Variants in LATS2 observed in about 807,000 individuals in gnomAD.
LATS2 encodes large tumor suppressor kinase 2.
LATS2 carries 24 observed loss-of-function variants against 76.0 expected under a neutral mutation model. The observed-to-expected ratio is 0.32, with a 90% CI of 0.23 to 0.44. The LOEUF (loss-of-function observed/expected upper bound fraction) is 0.44. LATS2 is among the 20% of genes least tolerant of loss of function. LATS2 has a pLI of 1.00. For missense variants in LATS2, 1,286 were observed against 1,481.2 expected (o/e 0.87, Z 2.16); for synonymous variants, 692 against 635.4 (o/e 1.09, Z -1.34).
intron 1 of LATS2, among the ~76,000 whole-genome samples, chr13:21,054,370 T>C (rs907924209): frequency 2.0e-5 from 3 of 152,056 alleles, no homozygotes; most frequent in Non-Finnish European, 2.9e-5. Flanking sequence ...GTCATTCCAC[T>C]GCACTCCAGC....
intron 2 of LATS2, among the ~76,000 whole-genome samples, chr13:21,025,263 G>A (rs1365050073): frequency 6.6e-6 from 1 of 151,376 alleles, no homozygotes; most frequent in Admixed American, 6.6e-5. Flanking sequence ...ATGGTGGCAA[G>A]CACCTATAAT....
At chr13:21,050,547 G>A (rs1873239780) in intron 1 of LATS2, among the ~76,000 whole-genome samples, 1 of 152,234 alleles carries the variant, frequency 6.6e-6, no homozygotes, top group South Asian at 2.1e-4. Flanking sequence ...GCAGAAGCCT[G>A]TCAGTTGTCA....
intron 5 of LATS2, 122 bp from the exon 6 acceptor site, chr13:20,981,770 A>G: frequency 2.5e-6 from 2 of 801,594 alleles, no homozygotes; most frequent in Non-Finnish European, 3.8e-6. Flanking sequence ...AGCTCCTGAC[A>G]TATCAGGACA....
intron 2 of LATS2, among the ~76,000 whole-genome samples, chr13:21,031,872 C>T (rs1223195306): frequency 1.3e-5 from 2 of 152,130 alleles, no homozygotes; most frequent in Non-Finnish European, 2.9e-5. Flanking sequence ...AATTTTCTGT[C>T]TGTGCATCAC....
intron 2 of LATS2, among the ~76,000 whole-genome samples, chr13:21,010,996 C>G (rs562198592): frequency 7.2e-5 from 11 of 152,362 alleles, no homozygotes; most frequent in African/African-American, 2.2e-4. Flanking sequence ...CTGCAGCTCC[C>G]TGGTTTGCAA....
At chr13:21,007,540 A>ATAGTGTG (rs1871307818) in intron 2 of LATS2, among the ~76,000 whole-genome samples, 1 of 17,404 alleles carries the variant, frequency 5.7e-5, no homozygotes, top group African/African-American at 3.2e-4. Context: ...GGATATATAT[A>ATAGTGTG]TATAGTATAT....
intron 2 of LATS2, among the ~76,000 whole-genome samples, chr13:21,037,333 G>C (rs1038429908): frequency 1.3e-5 from 2 of 152,174 alleles, no homozygotes; most frequent in Admixed American, 6.5e-5. Flanking sequence ...GAACCCCAGA[G>C]GGGGAGGTTG....
chr13:20,989,975 C>G (rs1043334720), intron 3 of LATS2, among the ~76,000 whole-genome samples: 13 of 152,220 alleles, frequency 8.5e-5, no homozygotes, highest in African/African-American at 3.1e-4. Context: ...GAAGGAAGGA[C>G]AAAGGTTCCT....
At chr13:21,018,746 T>C (rs1045329391) in intron 2 of LATS2, among the ~76,000 whole-genome samples, 1 of 151,868 alleles carries the variant, frequency 6.6e-6, no homozygotes, top group African/African-American at 2.4e-5. Context: ...CTCCACCTCC[T>C]GGGTTCAAGT....
Position 20,988,501 on chromosome 13 carries a change from G to C in LATS2, c.1279C>G (p.Pro427Ala), listed in dbSNP as rs541484742. ...GPPGKAEPSL[P>A]APNTVTAVTA... ...ACAGCCGTCACGGTGTTGGGGGCGG[G>C]CAGGGAGGGCTCGGCCTTGCCAGGC... is the stretch of plus-strand genomic sequence containing the variant. The change falls in exon 4 of 8, where the codon CCC becomes GCC. Residue 427 changes from proline (P) to alanine (A), a missense_variant. This residue lies in a region of LATS2 where 710 missense variants were observed against 660.9 expected (regional missense o/e 1.07). Coordinates refer to ENST00000382592, the MANE Select transcript of LATS2 (RefSeq NM_014572.3). 1 of 1,553,714 alleles carries C rather than the reference G, an allele frequency of 6.4e-7. No homozygotes were observed. The highest frequency in any genetic ancestry group is 8.6e-7 in the Non-Finnish European group (1 of 1,157,636).
chr13:20,976,837 T>C (rs1256310740), intron 7 of LATS2, among the ~76,000 whole-genome samples: 1 of 152,134 alleles, frequency 6.6e-6, no homozygotes. Flanking sequence ...CAGTCACTGT[T>C]GGTGGGAATG....
In LATS2 at chr13:21,057,264, G is replaced by A. The variant is rs1314035035; in HGVS notation, c.-205+4082C>T. ...AATACAAACCATGGCTACAAAATATGGGATTTTTTCATTTTTCTCCCAGAA... is the reference window on the plus strand; with the variant it reads ...AATACAAACCATGGCTACAAAATATAGGATTTTTTCATTTTTCTCCCAGAA... On this transcript the variant is annotated intron_variant, in intron 1 of 7. Transcript: ENST00000382592. Among the ~76,000 whole-genome samples, 4 of 152,182 alleles carry A rather than the reference G, an allele frequency of 2.6e-5. No homozygotes were observed. The East Asian group carries it at 7.7e-4, about 29-fold the overall frequency.
At chr13:21,001,549 G>A (rs1871040257) in intron 2 of LATS2, among the ~76,000 whole-genome samples, 1 of 152,146 alleles carries the variant, frequency 6.6e-6, no homozygotes, top group South Asian at 2.1e-4. Context: ...ATCGCACCAT[G>A]GTTGGAGACA....
At chr13:21,020,871 C>T (rs1452364244) in intron 2 of LATS2, among the ~76,000 whole-genome samples, 2 of 152,218 alleles carry the variant, frequency 1.3e-5, no homozygotes, top group Non-Finnish European at 2.9e-5. Context: ...CGTCACAATG[C>T]AGTGTAGCCA....
Position 20,983,348 on chromosome 13 carries a change from G to A in LATS2, c.2358C>T (p.Gly786=). 1 of 1,613,284 alleles carries A rather than the reference G, an allele frequency of 6.2e-7. No individual in the cohort carries two copies. The highest frequency in any genetic ancestry group is 1.3e-5 in the African/African-American group (1 of 74,758). ...TLAIESVHKM[G]FIHRDIKPDN... ...CAGGCTTGATGTCTCGGTGGATGAAGCCCATCTTGTGGACACTCTCAATGG... is the reference window on the plus strand; with the variant it reads ...CAGGCTTGATGTCTCGGTGGATGAAACCCATCTTGTGGACACTCTCAATGG... The change falls in exon 5 of 8, where the codon GGC becomes GGT. Residue 786 remains glycine (G), a synonymous_variant. Coordinates refer to ENST00000382592, the MANE Select transcript of LATS2 (RefSeq NM_014572.3).
In LATS2 at chr13:20,981,631, CCTGT is replaced by C; in HGVS notation, c.2496_2499del (p.Gln833ThrfsTer21). 1 of 1,608,506 alleles carries C rather than the reference CCTGT, an allele frequency of 6.2e-7. No individual in the cohort carries two copies. Among genetic ancestry groups the C allele is most frequent in the Non-Finnish European group, 8.5e-7 (1 of 1,178,160 alleles). On this transcript the variant is annotated frameshift_variant, in exon 6 of 8. Coordinates refer to ENST00000382592, the MANE Select transcript of LATS2 (RefSeq NM_014572.3). LOFTEE classifies it high-confidence loss of function. ...CAGAGGTCGCTGGGCTCCATGCTGT[CCTGT>C]CTGACATGGCTCCCTTCACCCAGGA... is the stretch of plus-strand genomic sequence containing the variant.
Position 20,989,233 on chromosome 13 carries a change from A to G in LATS2, c.547T>C (p.Tyr183His). The change falls in exon 4 of 8, where the codon TAC becomes CAC. Residue 183 changes from tyrosine (Y) to histidine (H), a missense_variant. Tyr to His is a moderately conservative substitution (Grantham distance 83). This residue lies in a region of LATS2 where 710 missense variants were observed against 660.9 expected (regional missense o/e 1.07). Transcript: ENST00000382592. ...FEGTGDSFASYHQLSGTPYEG... is the reference protein window; with the variant it reads ...FEGTGDSFASHHQLSGTPYEG... ...TAGGGGGTACCGCTCAGCTGGTGGTAGGACGCAAACGAATCGCCGGTTCCT... is the reference window on the plus strand; with the variant it reads ...TAGGGGGTACCGCTCAGCTGGTGGTGGGACGCAAACGAATCGCCGGTTCCT... The G allele has an allele frequency of 6.2e-7, 1 of 1,613,964 alleles. No individual in the cohort carries two copies. The highest frequency in any genetic ancestry group is 8.5e-7 in the Non-Finnish European group (1 of 1,180,020).
chr13:20,999,257 G>A (rs1396717804), intron 2 of LATS2, among the ~76,000 whole-genome samples: 2 of 152,240 alleles, frequency 1.3e-5, no homozygotes, highest in Non-Finnish European at 2.9e-5. Context: ...GCCTCCGACC[G>A]CTGGTGGCGC....
rs1182366596 is a variant in LATS2, at chr13:20,974,448, CAG to C, written c.*420_*421del. The C allele has an allele frequency of 8.9e-6, 2 of 225,084 alleles. No homozygotes were observed. The highest frequency in any genetic ancestry group is 2.3e-5 in the African/African-American group (1 of 43,954). The allele number at this position is 225,084 out of a possible 1,614,324, so 13.9% of individuals were successfully genotyped here. A position where few individuals can be genotyped will look rare whatever the true frequency, so the allele number is the denominator to read the frequency against. ...CTTTTTTTTTTTTTACATTATTGCACAGAGATTTCTCATCAATGTTCTTCAGT... is the reference window on the plus strand; with the variant it reads ...CTTTTTTTTTTTTTACATTATTGCACAGATTTCTCATCAATGTTCTTCAGT... On this transcript the variant is annotated 3_prime_UTR_variant, in exon 8 of 8. Transcript: ENST00000382592.
Sources: allele counts gnomAD v4.1 joint callset (sites outside exome capture counted in the v4.1 genomes callset), GRCh38; gene constraint gnomAD v4.1.1; regional missense constraint gnomAD v4.1.1; transcripts MANE v1.5; gene names NCBI Gene and HGNC (gene_info 2026-07-23, HGNC 2026-07-21).